ALMS1: variants seen among roughly 807,000 people sequenced by gnomAD.
ALMS1 encodes centrosome-associated protein ALMS1.
In ALMS1, 271 loss-of-function variants were observed where a neutral mutation model predicts 352.2. The ratio of observed to expected loss-of-function variants is 0.77; its 90% CI spans 0.70 to 0.85. The LOEUF is 0.85. ALMS1 is among the 40% of genes least tolerant of loss of function. ALMS1 has a pLI of 0.00. For synonymous variants in ALMS1, 1,865 were observed against 1,761.2 expected, an observed-to-expected ratio of 1.06 and a Z score of -1.48; for missense variants, 5,445 against 4,870.7, an observed-to-expected ratio of 1.12 and a Z score of -3.51.
At chr2:73,480,124 G>C (rs1672664342) in intron 9 of ALMS1, among the ~76,000 whole-genome samples, 1 of 151,210 alleles carries the variant, frequency 6.6e-6, no homozygotes, top group Non-Finnish European at 1.5e-5. Flanking sequence ...TGTGCACATT[G>C]TGCAGGTTAG....
intron 6 of ALMS1, among the ~76,000 whole-genome samples, chr2:73,430,044 T>C (rs2103729214): frequency 6.6e-6 from 1 of 152,094 alleles, no homozygotes. Flanking sequence ...ACTTCTCATA[T>C]TTTTCATTTT....
At position 73,490,533 on chromosome 2, in the gene ALMS1, A is replaced by T. The variant is rs1489673662; in HGVS notation, c.8574A>T (p.Arg2858Ser). ...GRPSSTLGVNRSSSRLGVKEK... is the reference protein window; with the variant it reads ...GRPSSTLGVNSSSSRLGVKEK... Reference sequence around the variant, plus strand: ...CAAGTTCCACCCTAGGAGTAAACAGATCGAGTTCCAGACTAGGAGTAAAAG... The same window carrying T: ...CAAGTTCCACCCTAGGAGTAAACAGTTCGAGTTCCAGACTAGGAGTAAAAG... The change falls in exon 10 of 23, where the codon AGA becomes AGT. Residue 2858 changes from arginine (R) to serine (S), a missense_variant. Physicochemically the swap from Arg to Ser is moderately radical, Grantham distance 110. Transcript: ENST00000613296. 1 of 1,614,202 alleles carries T rather than the reference A, an allele frequency of 6.2e-7. No individual in the cohort carries two copies. Among genetic ancestry groups the T allele is most frequent in the African/African-American group, 1.3e-5 (1 of 75,060 alleles).
At chr2:73,545,029 G>A (rs952884059) in intron 12 of ALMS1, among the ~76,000 whole-genome samples, 4 of 152,090 alleles carry the variant, frequency 2.6e-5, no homozygotes, top group African/African-American at 9.7e-5. Context: ...GCTGGGGCTA[G>A]GGGGAGTGGG....
rs35649068 is a variant in ALMS1, at chr2:73,453,804, G to C, written c.7277G>C (p.Cys2426Ser). ...GATGCCAGTGATGGAAATGGTTCCTGCTCGTGGGACAGTAATTTACCAGAG... is the reference window on the plus strand; with the variant it reads ...GATGCCAGTGATGGAAATGGTTCCTCCTCGTGGGACAGTAATTTACCAGAG... ...SSDASDGNGS[C>S]SWDSNLPESL... The change falls in exon 8 of 23, where the codon TGC (cysteine) becomes TCC (serine). Residue 2426 changes from cysteine (C) to serine (S), a missense_variant. Cys to Ser is a moderately radical substitution (Grantham distance 112, BLOSUM62 -1). Transcript: ENST00000613296. 1.2e-5 allele frequency: 19 copies of C among 1,614,030 alleles called. No individual in the cohort carries two copies. The African/African-American group carries it at 2.1e-4, about 18-fold the overall frequency.
At chr2:73,479,104 T>A (rs913168860) in intron 9 of ALMS1, among the ~76,000 whole-genome samples, 6 of 152,128 alleles carry the variant, frequency 3.9e-5, no homozygotes, top group Non-Finnish European at 7.4e-5. Flanking sequence ...GGGCAAAAAG[T>A]GGCATTTTTA....
chr2:73,459,136 C>T (rs1672133666), intron 9 of ALMS1: 1 of 151,984 alleles, frequency 6.6e-6, no homozygotes, highest in Non-Finnish European at 1.5e-5. Flanking sequence ...TTGAAGAGTA[C>T]AACCTAGTTA....
At chr2:73,533,690 A>C (rs931887485) in intron 11 of ALMS1, among the ~76,000 whole-genome samples, 2 of 152,190 alleles carry the variant, frequency 1.3e-5, no homozygotes, top group African/African-American at 4.8e-5. Flanking sequence ...GTTTCTACCA[A>C]TCATGAAAGA....
chr2:73,507,393 G>A (rs991597244), intron 10 of ALMS1, among the ~76,000 whole-genome samples: 6 of 152,190 alleles, frequency 3.9e-5, no homozygotes, highest in Non-Finnish European at 5.9e-5. Context: ...ATTCGGCTGT[G>A]AATCCATCTG....
intron 10 of ALMS1, among the ~76,000 whole-genome samples, chr2:73,507,967 G>T (rs1008308310): frequency 3.3e-5 from 5 of 152,086 alleles, no homozygotes; most frequent in Admixed American, 1.3e-4. Context: ...AGAGATTCTG[G>T]TATGTTGTGC....
intron 7 of ALMS1, among the ~76,000 whole-genome samples, chr2:73,444,436 T>C (rs890357195): frequency 6.6e-6 from 1 of 152,212 alleles, no homozygotes; most frequent in Non-Finnish European, 1.5e-5. Context: ...ATTAGCTTTT[T>C]GAAACCTCTG....
At position 73,550,377 on chromosome 2, in the gene ALMS1, A is replaced by T; in HGVS notation, c.10018A>T (p.Arg3340Trp). 1 of 1,614,236 alleles carries T rather than the reference A, an allele frequency of 6.2e-7. No homozygotes were observed. The highest frequency in any genetic ancestry group is 8.5e-7 in the Non-Finnish European group (1 of 1,180,038). Residue 3340 changes from arginine (R) to tryptophan (W), a missense_variant, in exon 13 of 23, where the codon AGG (arginine) becomes TGG (tryptophan). Physicochemically the swap from Arg to Trp is moderately radical, Grantham distance 101. Transcript: ENST00000613296. Reference sequence around the variant, plus strand: ...ACATAAAGAAGGAATCTACAGTAAGAGGGTAGTGACTAAGGCATCCTTGCC... The same window carrying T: ...ACATAAAGAAGGAATCTACAGTAAGTGGGTAGTGACTAAGGCATCCTTGCC... ...IKHKEGIYSK[R>W]VVTKASLPVG...
chr2:73,558,846 T>A, intron 14 of ALMS1, 126 bp from the exon 15 acceptor site: 2 of 1,053,920 alleles, frequency 1.9e-6, no homozygotes, highest in Non-Finnish European at 2.8e-6. Context: ...CTAAACGCAT[T>A]TCTGAGTCAT....
intron 9 of ALMS1, among the ~76,000 whole-genome samples, chr2:73,460,679 C>A (rs1056577565): frequency 6.6e-6 from 1 of 152,224 alleles, no homozygotes; most frequent in African/African-American, 2.4e-5. Flanking sequence ...CAGGGAGTTC[C>A]CTTTCCTAGT....
At chr2:73,498,017 T>C (rs955318385) in intron 10 of ALMS1, among the ~76,000 whole-genome samples, 2 of 152,170 alleles carry the variant, frequency 1.3e-5, no homozygotes, top group African/African-American at 4.8e-5. Context: ...ATGAATTTTT[T>C]GGTTTCCCAG....
intron 9 of ALMS1, among the ~76,000 whole-genome samples, chr2:73,461,183 C>T (rs537403396): frequency 2.0e-5 from 3 of 152,182 alleles, no homozygotes; most frequent in South Asian, 2.1e-4. Flanking sequence ...CTGGGAGGCA[C>T]CCCCCAGGAG....
intron 10 of ALMS1, among the ~76,000 whole-genome samples, chr2:73,512,712 T>G (rs1206398724): frequency 6.6e-6 from 1 of 152,222 alleles, no homozygotes; most frequent in Non-Finnish European, 1.5e-5. Context: ...AATACAGATT[T>G]GGTGGCCGGT....
intron 11 of ALMS1, among the ~76,000 whole-genome samples, chr2:73,532,353 G>A (rs911561646): frequency 1.3e-5 from 2 of 152,230 alleles, no homozygotes; most frequent in Non-Finnish European, 2.9e-5. Flanking sequence ...CTGGCCCTAG[G>A]CAGGTCCAGA....
chr2:73,441,789 TG>T (rs1160078767), intron 7 of ALMS1, among the ~76,000 whole-genome samples: 3 of 152,114 alleles, frequency 2.0e-5, no homozygotes, highest in African/African-American at 7.2e-5. Context: ...GTTTTTTTTT[TG>T]TCTTTTGGTT....
chr2:73,602,414 A>T lies in ALMS1; in HGVS notation c.12298+46A>T, dbSNP rs1289939955. The T allele has an allele frequency of 3.1e-6, 5 of 1,609,120 alleles. No homozygotes were observed. In the South Asian group the frequency reaches 4.4e-5, roughly 14 times the overall value. ...TTCCTGTGAGTGGAATAGAGAAGGC[A>T]AGGTCTGCTGCTCTGCTGCAGAGCC... On this transcript the variant is annotated intron_variant, in intron 20 of 22. Transcript: ENST00000613296.
Sources: allele counts gnomAD v4.1 joint callset (sites outside exome capture counted in the v4.1 genomes callset), GRCh38; gene constraint gnomAD v4.1.1; transcripts MANE v1.5; gene names NCBI Gene and HGNC (gene_info 2026-07-23, HGNC 2026-07-21).